MCM10: variants seen among roughly 807,000 people sequenced by gnomAD.
MCM10 encodes protein MCM10 homolog.
Under a neutral mutation model 109.9 loss-of-function variants are expected in MCM10, and 91 were observed. The observed-to-expected ratio is 0.83, with a 90% CI of 0.70 to 0.99. The LOEUF is 0.99. MCM10 is among the 50% of genes least tolerant of loss of function. MCM10 has a pLI of 0.00. For missense variants in MCM10, 1,077 were observed against 1,061.2 expected (o/e 1.01, Z -0.21); for synonymous variants, 380 against 387.2 (o/e 0.98, Z 0.22).
In MCM10 at chr10:13,210,620, G is replaced by T. The variant is rs1349789641; in HGVS notation, c.*1310G>T. ...CTAGAAATAAAATTTACATGCCTTA[G>T]ATTTCATAAAATTCTGCTCTAATTG... is the stretch of plus-strand genomic sequence containing the variant. On this transcript the variant is annotated 3_prime_UTR_variant, in exon 20 of 20. Transcript: ENST00000378714. The T allele has an allele frequency of 6.6e-6, 1 of 152,172 alleles. No homozygotes were observed. Among genetic ancestry groups the T allele is most frequent in the African/African-American group, 2.4e-5 (1 of 41,440 alleles). 9.4% of individuals were successfully genotyped at this position (152,172 alleles called of 1,614,324 possible).
At chr10:13,188,005 C>T (rs776851608) in intron 9 of MCM10, among the ~76,000 whole-genome samples, 1 of 152,034 alleles carries the variant, frequency 6.6e-6, no homozygotes, top group African/African-American at 2.4e-5. Flanking sequence ...ATTAGCTGGG[C>T]GTGGTTGTGC....
rs149696362 is a variant in MCM10 at position 13,189,022 on chromosome 10, C to T, written c.1357C>T (p.Leu453=). 6.2e-7 allele frequency: 1 copy of T among 1,614,254 alleles called. No homozygotes were observed. Among genetic ancestry groups the T allele is most frequent in the East Asian group, 2.2e-5 (1 of 44,880 alleles). ...CAGAGGCACCAGCCTCAAAGAACGGCTGTGCCAAGATGGCTTTTACTACGG... is the reference window on the plus strand; with the variant it reads ...CAGAGGCACCAGCCTCAAAGAACGGTTGTGCCAAGATGGCTTTTACTACGG... ...ARRGTSLKER[L]CQDGFYYGGV... The change falls in exon 10 of 20, where the codon CTG becomes TTG. Residue 453 remains leucine (L), a synonymous_variant. Coordinates refer to ENST00000378714, the MANE Select transcript of MCM10 (RefSeq NM_018518.5).
chr10:13,180,582 A>G lies in MCM10; in HGVS notation c.905A>G (p.Lys302Arg). ...DWVTFGVILK[K>R]VTPQSVNSGK... Reference sequence around the variant, plus strand: ...GTGACATTTGGGGTTATATTGAAGAAGGTTACGCCACAGAGTGTGAATAGT... The same window carrying G: ...GTGACATTTGGGGTTATATTGAAGAGGGTTACGCCACAGAGTGTGAATAGT... The change falls in exon 7 of 20, where the codon AAG (lysine) becomes AGG (arginine). Residue 302 changes from lysine (K) to arginine (R), a missense_variant. By Grantham distance (26) the Lys-to-Arg change is conservative (BLOSUM62 2). Coordinates refer to ENST00000378714, the MANE Select transcript of MCM10 (RefSeq NM_018518.5). 2 of 1,614,188 alleles carry G rather than the reference A, an allele frequency of 1.2e-6. No homozygotes were observed. Among genetic ancestry groups the G allele is most frequent in the Non-Finnish European group, 1.7e-6 (2 of 1,180,026 alleles).
chr10:13,204,153 T>C, intron 17 of MCM10, 66 bp from the exon 18 acceptor site: 1 of 1,577,238 alleles, frequency 6.3e-7, no homozygotes. Flanking sequence ...TTGCCCTTAC[T>C]GCAGCTGAGC....
rs145741099 is a variant in MCM10 at position 13,180,589 on chromosome 10, G to A, written c.912G>A (p.Thr304=). 24 of 1,614,000 alleles carry A rather than the reference G, an allele frequency of 1.5e-5. No homozygotes were observed. Among genetic ancestry groups the A allele is most frequent in the South Asian group, 5.5e-5 (5 of 91,074 alleles). ...VTFGVILKKV[T]PQSVNSGKTF... is the part of the protein sequence containing the mutation. ...TTGGGGTTATATTGAAGAAGGTTACGCCACAGAGTGTGAATAGTGTAAGCC... is the reference window on the plus strand; with the variant it reads ...TTGGGGTTATATTGAAGAAGGTTACACCACAGAGTGTGAATAGTGTAAGCC... Residue 304 remains threonine (T), a synonymous_variant, in exon 7 of 20, where the codon ACG becomes ACA. Coordinates refer to ENST00000378714, the MANE Select transcript of MCM10 (RefSeq NM_018518.5).
intron 13 of MCM10, among the ~76,000 whole-genome samples, chr10:13,193,758 T>C (rs972660389): frequency 6.6e-6 from 1 of 152,144 alleles, no homozygotes; most frequent in Non-Finnish European, 1.5e-5. Context: ...CACAGAAATA[T>C]GTATGGAGTT....
At chr10:13,188,622 A>G (rs766067464) in intron 9 of MCM10, among the ~76,000 whole-genome samples, 4 of 152,204 alleles carry the variant, frequency 2.6e-5, no homozygotes, top group Non-Finnish European at 5.9e-5. Flanking sequence ...TTCAAGGTTC[A>G]TCCTAAAAGC....
chr10:13,210,329 A>AG lies in MCM10; in HGVS notation c.*1019_*1020insG, dbSNP rs35210435. 1 of 151,814 alleles carries AG rather than the reference A, an allele frequency of 6.6e-6. No individual in the cohort carries two copies. 9.4% of individuals were successfully genotyped at this position (151,814 alleles called of 1,614,324 possible). On this transcript the variant is annotated 3_prime_UTR_variant, in exon 20 of 20. Transcript: ENST00000378714. ...CTCTGTTTCCAAAAAAAAAAAAAAA[A>AG]TGAAAGGTCAACCCCTATGCAAATT...
chr10:13,192,448 C>T lies in MCM10; in HGVS notation c.1628-3C>T. The T allele has an allele frequency of 6.2e-7, 1 of 1,614,156 alleles. No homozygotes were observed. The highest frequency in any genetic ancestry group is 8.5e-7 in the Non-Finnish European group (1 of 1,180,002). ...ACCCCCTCAGTCTGGGCTTCTGTTT[C>T]AGGGATTATGGGGAGCCCAAAACCA... On this transcript the variant is annotated splice_polypyrimidine_tract_variant and splice_region_variant and intron_variant, in intron 12 of 19. Transcript: ENST00000378714.
intron 2 of MCM10, among the ~76,000 whole-genome samples, chr10:13,169,729 G>A (rs574662179): frequency 1.3e-5 from 2 of 152,302 alleles, no homozygotes; most frequent in African/African-American, 2.4e-5. Flanking sequence ...TTTTTGAGAT[G>A]GAGTCTCGCC....
At chr10:13,200,566 T>C (rs1045560201) in intron 16 of MCM10, among the ~76,000 whole-genome samples, 1 of 152,230 alleles carries the variant, frequency 6.6e-6, no homozygotes, top group Non-Finnish European at 1.5e-5. Context: ...GACTGCAGGC[T>C]GCAGAGCTGA....
Position 13,166,992 on chromosome 10 carries a change from A to G in MCM10, c.7+2783A>G, listed in dbSNP as rs1250567604. The stretch of plus-strand genomic sequence containing the variant: ...CATTTCTACAAAAAAATATTTAATA[A>G]GCTGGGCATGGTGGTGTGCACCTCT... On this transcript the variant is annotated intron_variant, in intron 2 of 19. Coordinates refer to ENST00000378714, the MANE Select transcript of MCM10 (RefSeq NM_018518.5). 2.0e-5 allele frequency among the ~76,000 whole-genome samples: 3 copies of G among 151,978 alleles called. No homozygotes were observed. The East Asian group carries it at 5.8e-4, about 29-fold the overall frequency.
At chr10:13,207,990 TTCTC>T (rs59714402) in intron 18 of MCM10, among the ~76,000 whole-genome samples, 43,225 of 151,818 alleles carry the variant, frequency 0.28, 6,250 homozygotes, top group African/African-American at 0.36. Context: ...TCTTCTCTCT[TTCTC>T]TCTCTTTTTC....
rs192323743 is a variant in MCM10 at position 13,196,428 on chromosome 10, T to C, written c.1974+1159T>C. Among the ~76,000 whole-genome samples, 5 of 152,340 alleles carry C rather than the reference T, an allele frequency of 3.3e-5. No individual in the cohort carries two copies. In the East Asian group the frequency reaches 9.6e-4, roughly 29 times the overall value. On this transcript the variant is annotated intron_variant, in intron 14 of 19. Coordinates refer to ENST00000378714, the MANE Select transcript of MCM10 (RefSeq NM_018518.5). ...TTACCTATAATAATAACAACAGGAA[T>C]ACCTACAATAACCATGGCACATGTC...
At chr10:13,163,384 T>C (rs1833953245) in intron 1 of MCM10, among the ~76,000 whole-genome samples, 3 of 152,196 alleles carry the variant, frequency 2.0e-5, no homozygotes, top group Non-Finnish European at 2.9e-5. Flanking sequence ...TTCCTTGACA[T>C]TGAACTTGCC....
In MCM10 at chr10:13,204,351, A is replaced by G. The variant is rs754733702; in HGVS notation, c.2485A>G (p.Asn829Asp). The change falls in exon 18 of 20, where the codon AAC (asparagine) becomes GAC (aspartate). Residue 829 changes from asparagine to aspartate, a missense_variant. Asn to Asp is a conservative substitution (Grantham distance 23). Transcript: ENST00000378714. Reference sequence around the variant, plus strand: ...AAGCATCTCCTTGGACAGACTCCCGAACAAGCACTGCAGGTATGAGAATCA... The same window carrying G: ...AAGCATCTCCTTGGACAGACTCCCGGACAAGCACTGCAGGTATGAGAATCA... ...NRSISLDRLP[N>D]KHCSNCGLYK... The G allele has an allele frequency of 6.2e-7, 1 of 1,614,174 alleles. No individual in the cohort carries two copies. Among genetic ancestry groups the G allele is most frequent in the South Asian group, 1.1e-5 (1 of 91,080 alleles).
intron 14 of MCM10, 66 bp downstream of exon 14, chr10:13,195,335 CA>C: frequency 8.3e-7 from 1 of 1,206,668 alleles, no homozygotes; most frequent in South Asian, 1.4e-5. Flanking sequence ...GGAGGAAAGA[CA>C]GACACCTAAT....
Position 13,175,637 on chromosome 10 carries a change from GA to G in MCM10, c.721del (p.Thr241LeufsTer24). ...GGACCCCAGGAAGTTCTGGGGAAAC[GA>G]CTCAACCCATCTGTGTGGAAGCCTT... ...VGTPGSSGET[T>X]QPICVEAFSG... On this transcript the variant is annotated frameshift_variant, in exon 6 of 20. Transcript: ENST00000378714. LOFTEE classifies it high-confidence loss of function. The G allele has an allele frequency of 6.2e-7, 1 of 1,613,178 alleles. No homozygotes were observed. The highest frequency in any genetic ancestry group is 8.5e-7 in the Non-Finnish European group (1 of 1,179,354).
chr10:13,179,266 C>T lies in MCM10; in HGVS notation c.765-1176C>T, dbSNP rs189647339. On this transcript the variant is annotated intron_variant, in intron 6 of 19. Transcript: ENST00000378714. The stretch of plus-strand genomic sequence containing the variant: ...CCTACTGTGTATGTGTGATGAGGCT[C>T]TTTTCTTGGTGTGTTCCCAGATATG... Among the ~76,000 whole-genome samples the T allele has an allele frequency of 3.3e-5, 5 of 152,256 alleles. No homozygotes were observed. The East Asian group carries it at 9.7e-4, about 29-fold the overall frequency.
Sources: allele counts gnomAD v4.1 joint callset (sites outside exome capture counted in the v4.1 genomes callset), GRCh38; gene constraint gnomAD v4.1.1; transcripts MANE v1.5; gene names NCBI Gene and HGNC (gene_info 2026-07-23, HGNC 2026-07-21).